The following RAB3C variants were observed in gnomAD, a reference collection of about 807,000 sequenced individuals.
RAB3C encodes the protein RAB3C, member RAS oncogene family, also known as ras-related protein Rab-3C.
Under a neutral mutation model 26.4 loss-of-function variants are expected in RAB3C, and 17 were observed. The ratio of observed to expected loss-of-function variants is 0.64; its 90% CI spans 0.44 to 0.97. The LOEUF (loss-of-function observed/expected upper bound fraction) is 0.97, where lower values mean the gene tolerates loss of function less well. Ranked by LOEUF, RAB3C falls within the 50% of genes least tolerant of loss-of-function variation. RAB3C has a pLI of 0.00. For missense variants in RAB3C, 242 were observed against 281.9 expected (o/e 0.86, Z 1.01); for synonymous variants, 91 against 95.9 (o/e 0.95, Z 0.30).
At chr5:58,639,977 C>G (rs1235022801) in intron 2 of RAB3C, among the ~76,000 whole-genome samples, 1 of 152,198 alleles carries the variant, frequency 6.6e-6, no homozygotes, top group African/African-American at 2.4e-5. Flanking sequence ...TCTTTATCCA[C>G]AGATTCTGTC....
In RAB3C at chr5:58,856,368, T is replaced by TA. The variant is rs1744259748; in HGVS notation, c.*5018dup. On this transcript the variant is annotated 3_prime_UTR_variant, in exon 5 of 5. Coordinates refer to ENST00000282878, the MANE Select transcript of RAB3C (RefSeq NM_138453.4). ...GAGTGTTAAGATCAGACCATCTAGC[T>TA]AGTGGACAAATTGAACTTTCTATTT... 2 of 151,934 alleles carry TA rather than the reference T, an allele frequency of 1.3e-5. No individual in the cohort carries two copies. The highest frequency in any genetic ancestry group is 1.3e-4 in the Admixed American group (2 of 15,210). The allele number at this position is 151,934 out of a possible 1,614,324, so 9.4% of individuals were successfully genotyped here. A position where few individuals can be genotyped will look rare whatever the true frequency, so the allele number is the denominator to read the frequency against.
At chr5:58,734,418 A>T (rs1001812498) in intron 3 of RAB3C, among the ~76,000 whole-genome samples, 1 of 152,082 alleles carries the variant, frequency 6.6e-6, no homozygotes, top group Non-Finnish European at 1.5e-5. Flanking sequence ...CAGTGGTGGG[A>T]TGAGAGCACA....
chr5:58,753,768 C>A (rs1310786781), intron 3 of RAB3C, among the ~76,000 whole-genome samples: 1 of 152,134 alleles, frequency 6.6e-6, no homozygotes, highest in Admixed American at 6.5e-5. Flanking sequence ...AGCAGCAGTT[C>A]TATAGGCTGG....
chr5:58,583,049 G>A, upstream of RAB3C: 1 of 1,462,336 alleles, frequency 6.8e-7, no homozygotes, highest in South Asian at 1.4e-5. Context: ...CAGTACGCGT[G>A]TGCGGCGCCA....
At chr5:58,583,314 G>C (rs1210151656) in intron 1 of RAB3C, 82 bp downstream of exon 1, 21 of 1,599,082 alleles carry the variant, frequency 1.3e-5, no homozygotes, top group Non-Finnish European at 1.8e-5. Context: ...GCAGTTCAAC[G>C]TAAGGAAAGG....
intron 3 of RAB3C, among the ~76,000 whole-genome samples, chr5:58,797,198 A>T (rs1301535651): frequency 6.6e-6 from 1 of 151,512 alleles, no homozygotes; most frequent in Non-Finnish European, 1.5e-5. Context: ...AGACATATTA[A>T]CTCTTGGACT....
chr5:58,668,772 C>T (rs1368949652), intron 2 of RAB3C, among the ~76,000 whole-genome samples: 1 of 151,948 alleles, frequency 6.6e-6, no homozygotes, highest in Admixed American at 6.6e-5. Context: ...GTTAGGGGCT[C>T]CTACGTCTTA....
intron 3 of RAB3C, among the ~76,000 whole-genome samples, chr5:58,750,829 T>C (rs1353652664): frequency 6.6e-6 from 1 of 152,076 alleles, no homozygotes; most frequent in Non-Finnish European, 1.5e-5. Flanking sequence ...CTTCCTTCCT[T>C]CCTCCCTCCC....
chr5:58,620,067 T>C (rs1017022122), intron 2 of RAB3C, among the ~76,000 whole-genome samples: 2 of 152,072 alleles, frequency 1.3e-5, no homozygotes, highest in African/African-American at 4.8e-5. Context: ...TTCTACAATC[T>C]ACTAGTTTCT....
At chr5:58,583,843 C>T (rs1745958736) in intron 1 of RAB3C, among the ~76,000 whole-genome samples, 1 of 152,220 alleles carries the variant, frequency 6.6e-6, no homozygotes, top group East Asian at 1.9e-4. Flanking sequence ...ACAGCCCCCT[C>T]TGAGCTTTCC....
rs546390298 is a variant in RAB3C, at chr5:58,725,988, T to C, written c.253-14T>C. On this transcript the variant is annotated splice_polypyrimidine_tract_variant and intron_variant, in intron 2 of 4. Transcript: ENST00000282878. ...TTATTTCTGAGAGATTATCATTTTT[T>C]TTTTATTCTTTAGGACACAGCAGGC... 1.4e-6 allele frequency: 2 copies of C among 1,446,402 alleles called. No homozygotes were observed. The highest frequency in any genetic ancestry group is 1.4e-5 in the African/African-American group (1 of 69,290). The allele number at this position is 1,446,402 out of a possible 1,614,324, so 89.6% of individuals were successfully genotyped here.
intron 4 of RAB3C, among the ~76,000 whole-genome samples, chr5:58,836,247 A>T (rs1743743614): frequency 1.5e-5 from 1 of 67,978 alleles, no homozygotes; most frequent in African/African-American, 7.6e-5. Context: ...ATATTTCTTT[A>T]TTTTTAAAAT....
At chr5:58,681,586 T>C (rs1748344992) in intron 2 of RAB3C, among the ~76,000 whole-genome samples, 1 of 152,226 alleles carries the variant, frequency 6.6e-6, no homozygotes, top group Admixed American at 6.5e-5. Flanking sequence ...AAGTTTATAG[T>C]TGTAAGAACA....
intron 3 of RAB3C, 45 bp from the exon 4 acceptor site, chr5:58,824,993 T>C (rs1310346132): frequency 2.1e-6 from 3 of 1,422,060 alleles, no homozygotes; most frequent in South Asian, 2.5e-5. Flanking sequence ...TTTTATGCTG[T>C]TCTGCTTTCC....
intron 2 of RAB3C, among the ~76,000 whole-genome samples, chr5:58,659,421 C>T (rs1207553275): frequency 1.3e-5 from 2 of 152,262 alleles, no homozygotes; most frequent in East Asian, 3.9e-4. Flanking sequence ...CAGTTATTTG[C>T]AGGCATCATG....
At chr5:58,822,166 G>C (rs1258142449) in intron 3 of RAB3C, among the ~76,000 whole-genome samples, 1 of 152,148 alleles carries the variant, frequency 6.6e-6, no homozygotes, top group African/African-American at 2.4e-5. Context: ...GCTTCCTGTA[G>C]ATAACAATAA....
At chr5:58,824,717 G>T (rs999654773) in intron 3 of RAB3C, among the ~76,000 whole-genome samples, 1 of 152,202 alleles carries the variant, frequency 6.6e-6, no homozygotes, top group African/African-American at 2.4e-5. Context: ...AACCAGGATG[G>T]TTGGCTATCC....
At chr5:58,654,626 G>C (rs1359243582) in intron 2 of RAB3C, among the ~76,000 whole-genome samples, 1 of 152,056 alleles carries the variant, frequency 6.6e-6, no homozygotes, top group Non-Finnish European at 1.5e-5. Flanking sequence ...TCATTATAAG[G>C]TTTGTGTAAA....
chr5:58,699,005 C>T (rs148708131), intron 2 of RAB3C, among the ~76,000 whole-genome samples: 2,339 of 152,216 alleles, frequency 0.015, 55 homozygotes, highest in African/African-American at 0.053. Flanking sequence ...GGAGAAGAGG[C>T]GCTCCGATTT....
Sources: allele counts gnomAD v4.1 joint callset (sites outside exome capture counted in the v4.1 genomes callset), GRCh38; gene constraint gnomAD v4.1.1; transcripts MANE v1.5; gene names NCBI Gene and HGNC (gene_info 2026-07-23, HGNC 2026-07-21).